Variants in ARHGAP25 observed in about 807,000 individuals in gnomAD.
ARHGAP25 encodes the protein Rho GTPase activating protein 25, also known as rho GTPase-activating protein 25.
Under a neutral mutation model 71.0 loss-of-function variants are expected in ARHGAP25, and 34 were observed. The observed-to-expected ratio is 0.48, with a 90% CI of 0.36 to 0.64. The LOEUF is 0.64. Ranked by LOEUF, ARHGAP25 falls within the 30% of genes least tolerant of loss-of-function variation. ARHGAP25 has a pLI of 0.00. For synonymous variants in ARHGAP25, 282 were observed against 296.5 expected, an observed-to-expected ratio of 0.95 and a Z score of 0.50; for missense variants, 706 against 805.1, an observed-to-expected ratio of 0.88 and a Z score of 1.49.
chr2:68,743,080 C>G (rs1464852916), intron 1 of ARHGAP25, among the ~76,000 whole-genome samples: 3 of 152,198 alleles, frequency 2.0e-5, no homozygotes, highest in African/African-American at 7.2e-5. Context: ...AGAATTCCTG[C>G]TGTAGAAATG....
At chr2:68,803,306 T>C (rs977299415) in intron 4 of ARHGAP25, among the ~76,000 whole-genome samples, 2 of 152,128 alleles carry the variant, frequency 1.3e-5, no homozygotes, top group African/African-American at 4.8e-5. Context: ...ATTAACAACA[T>C]CAGTCTTCAG....
chr2:68,813,850 G>A (rs1404615635), intron 6 of ARHGAP25, among the ~76,000 whole-genome samples: 1 of 152,172 alleles, frequency 6.6e-6, no homozygotes, highest in Non-Finnish European at 1.5e-5. Context: ...AGGACAGGGA[G>A]GGTTTTTTGA....
chr2:68,734,210 G>A (rs936292158), upstream of ARHGAP25, among the ~76,000 whole-genome samples: 3 of 152,176 alleles, frequency 2.0e-5, no homozygotes, highest in Admixed American at 2.0e-4. Context: ...TTACTGATGA[G>A]GACATTAAGG....
intron 3 of ARHGAP25, among the ~76,000 whole-genome samples, chr2:68,786,522 C>A (rs1380690620): frequency 6.6e-6 from 1 of 152,178 alleles, no homozygotes; most frequent in Admixed American, 6.5e-5. Context: ...AGGGATATTG[C>A]AATTCCTAGA....
At position 68,818,014 on chromosome 2, in the gene ARHGAP25, G is replaced by A. The variant is rs1450040998; in HGVS notation, c.1003+20G>A. 5.0e-6 allele frequency: 8 copies of A among 1,613,584 alleles called. No homozygotes were observed. Among genetic ancestry groups the A allele is most frequent in the Non-Finnish European group, 5.9e-6 (7 of 1,179,784 alleles). ...TGAGAGGTATGGCTGGTCCCGTAGT[G>A]AAAGCAGGTACCCAGGAAATAACAA... is the stretch of plus-strand genomic sequence containing the variant. On this transcript the variant is annotated intron_variant, in intron 8 of 10. Coordinates refer to ENST00000409202, the MANE Select transcript of ARHGAP25 (RefSeq NM_001007231.3).
rs75678804 is a variant in ARHGAP25 at position 68,749,865 on chromosome 2, G to A, written c.61+14605G>A. Among the ~76,000 whole-genome samples the A allele has an allele frequency of 9.0e-3, 1,373 of 152,294 alleles. 21 individuals are homozygous for A. The highest frequency in any genetic ancestry group is 0.031 in the African/African-American group (1,305 of 41,542). On this transcript the variant is annotated intron_variant, in intron 1 of 10. Transcript: ENST00000409202. ...CTAAGACCCAGAGCCACAGCACAAT[G>A]GCAACACATTCCCAAAATGTTTGCA...
rs1558648575 is a variant in ARHGAP25 at position 68,802,966 on chromosome 2, CATATAT to C, written c.467-4305_467-4300del. On this transcript the variant is annotated intron_variant, in intron 4 of 10. Transcript: ENST00000409202. ...ATGTGTGTGTATATATATACACACA[CATATAT>C]ACACATATATATACACACATATACA... is the stretch of plus-strand genomic sequence containing the variant. Among the ~76,000 whole-genome samples, 5 of 150,448 alleles carry C rather than the reference CATATAT, an allele frequency of 3.3e-5. No homozygotes were observed. In the East Asian group the frequency reaches 5.9e-4, roughly 18 times the overall value.
At chr2:68,717,890 A>C (rs1341974977) in intron 2 of ARHGAP25, among the ~76,000 whole-genome samples, 1 of 152,224 alleles carries the variant, frequency 6.6e-6, no homozygotes, top group African/African-American at 2.4e-5. Context: ...CTTAATATTC[A>C]TAAAAAGAGC....
intron 5 of ARHGAP25, 146 bp downstream of exon 5, chr2:68,807,626 C>T: frequency 2.4e-6 from 2 of 817,078 alleles, no homozygotes; most frequent in African/African-American, 1.7e-5. Flanking sequence ...CTTTGTTTCG[C>T]CCATGATTGG....
chr2:68,811,876 T>C (rs1020352378), intron 5 of ARHGAP25, among the ~76,000 whole-genome samples: 9 of 152,190 alleles, frequency 5.9e-5, no homozygotes, highest in Non-Finnish European at 1.0e-4. Flanking sequence ...TCAAGGAGAT[T>C]CCAAGGTTAT....
At chr2:68,724,534 C>G (rs961548759) in intron 2 of ARHGAP25, among the ~76,000 whole-genome samples, 1 of 152,164 alleles carries the variant, frequency 6.6e-6, no homozygotes, top group Non-Finnish European at 1.5e-5. Flanking sequence ...TGCTGATGTT[C>G]TTCCTGAGCC....
chr2:68,823,956 G>C (rs1403279668), intron 10 of ARHGAP25, among the ~76,000 whole-genome samples: 3 of 152,188 alleles, frequency 2.0e-5, no homozygotes, highest in African/African-American at 7.2e-5. Context: ...TCCCATATCA[G>C]CACTAGTCAT....
At chr2:68,778,555 C>A (rs1168220396) in intron 2 of ARHGAP25, among the ~76,000 whole-genome samples, 1 of 151,986 alleles carries the variant, frequency 6.6e-6, no homozygotes, top group African/African-American at 2.4e-5. Context: ...CCCAAGATAC[C>A]AAAAAGCAGA....
chr2:68,759,691 C>T (rs996136115), intron 1 of ARHGAP25, among the ~76,000 whole-genome samples: 2 of 151,950 alleles, frequency 1.3e-5, no homozygotes, highest in Non-Finnish European at 2.9e-5. Flanking sequence ...CGCTTTGAAA[C>T]TTCTCAAAAG....
intron 2 of ARHGAP25, among the ~76,000 whole-genome samples, chr2:68,726,431 C>T (rs1674885382): frequency 6.6e-6 from 1 of 152,204 alleles, no homozygotes; most frequent in African/African-American, 2.4e-5. Flanking sequence ...TCAGTGTGCT[C>T]CTTCCTGTTG....
At chr2:68,747,130 G>C (rs75867742) in intron 1 of ARHGAP25, among the ~76,000 whole-genome samples, 11,999 of 151,322 alleles carry the variant, frequency 0.079, 591 homozygotes, top group East Asian at 0.25. Flanking sequence ...ATCTGTCCTC[G>C]TCTTACTCAA....
At position 68,822,481 on chromosome 2, in the gene ARHGAP25, A is replaced by G; in HGVS notation, c.1342A>G (p.Lys448Glu). 6.2e-7 allele frequency: 1 copy of G among 1,614,216 alleles called. No individual in the cohort carries two copies. The highest frequency in any genetic ancestry group is 8.5e-7 in the Non-Finnish European group (1 of 1,180,036). ...AAGGACTCAAACACTCCCTAACCGGAAATGTTTCTTGACATCAGCTTTTCA... is the reference window on the plus strand; with the variant it reads ...AAGGACTCAAACACTCCCTAACCGGGAATGTTTCTTGACATCAGCTTTTCA... ...RKRTQTLPNR[K>E]CFLTSAFQGA... The change falls in exon 10 of 11, where the codon AAA becomes GAA. Residue 448 changes from lysine to glutamate, a missense_variant. Physicochemically the swap from Lys to Glu is moderately conservative, Grantham distance 56. Coordinates refer to ENST00000409202, the MANE Select transcript of ARHGAP25 (RefSeq NM_001007231.3).
At chr2:68,720,220 A>G (rs993903645) in intron 2 of ARHGAP25, among the ~76,000 whole-genome samples, 1 of 151,582 alleles carries the variant, frequency 6.6e-6, no homozygotes, top group African/African-American at 2.4e-5. Flanking sequence ...TGCCACTCTA[A>G]TGGGCTTCCT....
At chr2:68,764,607 C>T (rs1230405274) in intron 1 of ARHGAP25, among the ~76,000 whole-genome samples, 1 of 152,170 alleles carries the variant, frequency 6.6e-6, no homozygotes, top group African/African-American at 2.4e-5. Context: ...TACTTTTTGT[C>T]TGGCCTGACT....
Sources: allele counts gnomAD v4.1 joint callset (sites outside exome capture counted in the v4.1 genomes callset), GRCh38; gene constraint gnomAD v4.1.1; transcripts MANE v1.5; gene names NCBI Gene and HGNC (gene_info 2026-07-23, HGNC 2026-07-21).